Variants in AFG2A observed in about 807,000 individuals in gnomAD.
The protein encoded by AFG2A is ATPase family gene 2 protein homolog A.
the AFG2A span, among the ~76,000 whole-genome samples, chr4:123,183,011 G>C: frequency 6.6e-6 from 1 of 152,182 alleles, no homozygotes; most frequent in African/African-American, 2.4e-5. Context: ...AGAATCACCA[G>C]ATAAGCTTTG....
At chr4:123,130,879 A>G in the AFG2A span, among the ~76,000 whole-genome samples, 2 of 152,250 alleles carry the variant, frequency 1.3e-5, no homozygotes, top group South Asian at 4.1e-4. Context: ...CCAACAATAT[A>G]TGAGCATTCC....
the AFG2A span, among the ~76,000 whole-genome samples, chr4:123,002,145 T>G: frequency 2.6e-4 from 39 of 152,240 alleles, no homozygotes; most frequent in African/African-American, 8.7e-4. Context: ...TTTTTTGTTT[T>G]CCATTTGCTT....
At chr4:123,159,609 G>C in the AFG2A span, among the ~76,000 whole-genome samples, 1 of 152,184 alleles carries the variant, frequency 6.6e-6, no homozygotes. Context: ...GGAAGAAGCA[G>C]AGTAGAGGTG....
At chr4:122,979,254 C>T in the AFG2A span, 105 of 1,613,984 alleles carry the variant, frequency 6.5e-5, 1 homozygote, top group African/African-American at 1.3e-3. Flanking sequence ...TGCGGAGAAT[C>T]CTGAAAAAAC....
chr4:123,098,433 A>G, the AFG2A span, among the ~76,000 whole-genome samples: 1 of 151,960 alleles, frequency 6.6e-6, no homozygotes, highest in Non-Finnish European at 1.5e-5. Flanking sequence ...ATTGTTAACG[A>G]TAGTCACCCT....
At chr4:123,225,255 T>C in the AFG2A span, among the ~76,000 whole-genome samples, 1 of 152,246 alleles carries the variant, frequency 6.6e-6, no homozygotes, top group East Asian at 1.9e-4. Flanking sequence ...TTGCCATTGC[T>C]TTTGGTGTTT....
the AFG2A span, among the ~76,000 whole-genome samples, chr4:123,104,725 T>G: frequency 6.6e-6 from 1 of 152,196 alleles, no homozygotes; most frequent in Non-Finnish European, 1.5e-5. Flanking sequence ...GGATAGAAGA[T>G]CAAACCAACT....
chr4:123,283,312 A>T, the AFG2A span, among the ~76,000 whole-genome samples: 1 of 152,140 alleles, frequency 6.6e-6, no homozygotes, highest in Non-Finnish European at 1.5e-5. Flanking sequence ...TTCACAACAT[A>T]AACTTTGATT....
chr4:122,945,625 G>A, the AFG2A span, among the ~76,000 whole-genome samples: 13 of 152,142 alleles, frequency 8.5e-5, no homozygotes, highest in Non-Finnish European at 1.6e-4. Context: ...ACCCTGCTTC[G>A]GCTCGCACAC....
chr4:122,976,318 TCA>T, the AFG2A span, among the ~76,000 whole-genome samples: 1 of 152,186 alleles, frequency 6.6e-6, no homozygotes, highest in Non-Finnish European at 1.5e-5. Context: ...GCTCTAAATC[TCA>T]CAGCCTGATG....
chr4:123,182,835 G>A, the AFG2A span, among the ~76,000 whole-genome samples: 1 of 152,166 alleles, frequency 6.6e-6, no homozygotes, highest in African/African-American at 2.4e-5. Flanking sequence ...GCTGTGCTTT[G>A]GCTAGTGGTA....
the AFG2A span, among the ~76,000 whole-genome samples, chr4:123,072,004 T>G: frequency 1.3e-5 from 2 of 152,222 alleles, no homozygotes; most frequent in Non-Finnish European, 2.9e-5. Flanking sequence ...TAGTAGATAT[T>G]TCAGCTTTAC....
chr4:123,150,194 A>T, the AFG2A span, among the ~76,000 whole-genome samples: 1 of 152,240 alleles, frequency 6.6e-6, no homozygotes, highest in Admixed American at 6.5e-5. Context: ...AGCTGGAAGC[A>T]TTCCCTTTGA....
the AFG2A span, among the ~76,000 whole-genome samples, chr4:123,149,002 CA>C: frequency 0.037 from 5,573 of 152,212 alleles, 337 homozygotes; most frequent in African/African-American, 0.13. Context: ...TTCCTGACCT[CA>C]GGTAATCCGC....
the AFG2A span, among the ~76,000 whole-genome samples, chr4:123,016,911 G>C: frequency 1.3e-5 from 2 of 152,172 alleles, no homozygotes; most frequent in South Asian, 2.1e-4. Flanking sequence ...CTCGCAGTTC[G>C]GAGCTGGAGA....
At chr4:123,145,013 T>C in the AFG2A span, among the ~76,000 whole-genome samples, 1 of 152,110 alleles carries the variant, frequency 6.6e-6, no homozygotes, top group East Asian at 1.9e-4. Flanking sequence ...CCACTCAGCA[T>C]TTAATGCATA....
chr4:122,992,086 T>TACAGTAACA, the AFG2A span, among the ~76,000 whole-genome samples: 5 of 152,188 alleles, frequency 3.3e-5, no homozygotes, highest in African/African-American at 1.2e-4. Flanking sequence ...CTACAGAACA[T>TACAGTAACA]ACAGTAACAT....
chr4:123,090,596 A>G, the AFG2A span: 4 of 1,614,142 alleles, frequency 2.5e-6, no homozygotes, highest in Non-Finnish European at 3.4e-6. Flanking sequence ...GGTGCTGGGA[A>G]TGTAGCCGAT....
chr4:123,042,786 A>G, the AFG2A span, among the ~76,000 whole-genome samples: 1 of 152,212 alleles, frequency 6.6e-6, no homozygotes, highest in East Asian at 1.9e-4. Context: ...ACACTGCACC[A>G]CTTTATTTAT....
Sources: allele counts gnomAD v4.1 joint callset (sites outside exome capture counted in the v4.1 genomes callset), GRCh38; gene constraint gnomAD v4.1.1; transcripts MANE v1.5; gene names NCBI Gene and HGNC (gene_info 2026-07-23, HGNC 2026-07-21).